Variants in KCNH8 observed in about 807,000 individuals in gnomAD.
KCNH8 encodes the protein potassium voltage-gated channel subfamily H member 8.
A neutral mutation model predicts 103.6 loss-of-function variants in KCNH8; 70 were observed. That is an observed-to-expected ratio of 0.68 (90% CI 0.56 to 0.82). The LOEUF (loss-of-function observed/expected upper bound fraction) is 0.82, where lower values mean the gene tolerates loss of function less well. KCNH8 is among the 40% of genes least tolerant of loss of function. The pLI, the probability that KCNH8 is intolerant of heterozygous loss-of-function variation, is 0.00. For missense variants in KCNH8, 1,217 were observed against 1,329.9 expected (o/e 0.92, Z 1.32); for synonymous variants, 498 against 489.4 (o/e 1.02, Z -0.23).
intron 11 of KCNH8, among the ~76,000 whole-genome samples, chr3:19,457,655 C>T (rs578215447): frequency 3.9e-4 from 59 of 152,044 alleles, no homozygotes; most frequent in Admixed American, 1.5e-3. Flanking sequence ...TGTTGAAAGG[C>T]AAGCCAAGGC....
At chr3:19,435,680 C>T (rs1226619975) in intron 7 of KCNH8, among the ~76,000 whole-genome samples, 1 of 152,162 alleles carries the variant, frequency 6.6e-6, no homozygotes, top group East Asian at 1.9e-4. Context: ...ACACACATAT[C>T]GTTTAGCAAA....
chr3:19,294,589 T>A (rs2064971741), intron 3 of KCNH8, among the ~76,000 whole-genome samples: 1 of 152,222 alleles, frequency 6.6e-6, no homozygotes, highest in African/African-American at 2.4e-5. Context: ...TAAACTGATT[T>A]AAAAATTTTA....
intron 10 of KCNH8, among the ~76,000 whole-genome samples, chr3:19,453,666 G>T (rs2067484247): frequency 6.6e-6 from 1 of 152,146 alleles, no homozygotes; most frequent in Non-Finnish European, 1.5e-5. Context: ...TCGTGAATGG[G>T]ATTCGTGTCT....
chr3:19,275,221 A>T (rs2064651077), intron 2 of KCNH8, among the ~76,000 whole-genome samples: 1 of 151,984 alleles, frequency 6.6e-6, no homozygotes, highest in Non-Finnish European at 1.5e-5. Context: ...TTATTCTGCC[A>T]GTGTTTTTTC....
intron 1 of KCNH8, among the ~76,000 whole-genome samples, chr3:19,202,593 A>G (rs886776513): frequency 2.6e-5 from 4 of 152,132 alleles, no homozygotes; most frequent in African/African-American, 9.7e-5. Context: ...GCAGTTAGGA[A>G]GAAATATGAG....
chr3:19,438,176 A>G lies in KCNH8; in HGVS notation c.1190A>G (p.Glu397Gly). The G allele has an allele frequency of 6.2e-7, 1 of 1,613,716 alleles. No individual in the cohort carries two copies. The highest frequency in any genetic ancestry group is 8.5e-7 in the Non-Finnish European group (1 of 1,179,896). Residue 397 changes from glutamate to glycine, a missense_variant, in exon 8 of 16, where the codon GAG becomes GGG. Around this residue, in one of 3 missense-constraint regions of KCNH8, gnomAD observed 415 missense variants for 577.4 expected, o/e 0.72. Transcript: ENST00000328405. ...TCCTCCTTTGCAGGTTGGCTTCATG[A>G]GTTGGGAAAGAGACTGGAATCTCCA... is the stretch of plus-strand genomic sequence containing the variant. ...LLKWEVGWLH[E>G]LGKRLESPYY...
chr3:19,186,677 A>G (rs1435820975), intron 1 of KCNH8, among the ~76,000 whole-genome samples: 1 of 152,214 alleles, frequency 6.6e-6, no homozygotes, highest in Non-Finnish European at 1.5e-5. Context: ...TGTTTAATTC[A>G]TTATTAAAAA....
intron 5 of KCNH8, among the ~76,000 whole-genome samples, chr3:19,374,648 T>G (rs888470269): frequency 2.6e-5 from 4 of 152,184 alleles, no homozygotes; most frequent in Non-Finnish European, 5.9e-5. Context: ...CCTGTCATTA[T>G]GATGTCAGCT....
At chr3:19,495,486 G>T (rs1215245996) in intron 11 of KCNH8, among the ~76,000 whole-genome samples, 1 of 152,084 alleles carries the variant, frequency 6.6e-6, no homozygotes. Flanking sequence ...GCTGGTTTTT[G>T]TTGGCTTTGT....
intron 11 of KCNH8, among the ~76,000 whole-genome samples, chr3:19,470,582 A>G (rs6800537): frequency 0.097 from 14,723 of 152,180 alleles, 1,543 homozygotes; most frequent in East Asian, 0.27. Flanking sequence ...ATTATTGTGA[A>G]TGGCAGAGTG....
At chr3:19,248,383 C>G (rs1394504556) in intron 1 of KCNH8, among the ~76,000 whole-genome samples, 1 of 152,140 alleles carries the variant, frequency 6.6e-6, no homozygotes, top group Non-Finnish European at 1.5e-5. Context: ...TGTCCTATTT[C>G]TGAAACACTG....
At position 19,534,626 on chromosome 3, in the gene KCNH8, C is replaced by T. The variant is rs75841558; in HGVS notation, c.*527C>T. ...AGCTGGTGGCCAGTGGTTAGCTATT[C>T]GCACGTTATTTGCCATGTAAATGAA... On this transcript the variant is annotated 3_prime_UTR_variant, in exon 16 of 16. Transcript: ENST00000328405. 0.075 allele frequency: 11,496 copies of T among 152,974 alleles called. 612 individuals carry two copies. The highest frequency in any genetic ancestry group is 0.12 in the Middle Eastern group (36 of 294). The allele number at this position is 152,974 out of a possible 1,614,324, so 9.5% of individuals were successfully genotyped here.
At chr3:19,285,796 A>G (rs2064823866) in intron 3 of KCNH8, among the ~76,000 whole-genome samples, 2 of 152,158 alleles carry the variant, frequency 1.3e-5, no homozygotes, top group Non-Finnish European at 2.9e-5. Flanking sequence ...TGCCCTCGGC[A>G]AAGTGCTCGT....
chr3:19,296,472 T>A (rs2064998071), intron 3 of KCNH8, among the ~76,000 whole-genome samples: 1 of 152,168 alleles, frequency 6.6e-6, no homozygotes. Context: ...AGCACACTGG[T>A]TTGTGCTCTA....
intron 5 of KCNH8, among the ~76,000 whole-genome samples, chr3:19,383,008 C>T (rs544065392): frequency 1.3e-5 from 2 of 152,152 alleles, no homozygotes; most frequent in Non-Finnish European, 2.9e-5. Context: ...AATTATGCCC[C>T]GGTCCTCAAA....
intron 7 of KCNH8, among the ~76,000 whole-genome samples, chr3:19,437,588 AAAG>A (rs1301864968): frequency 6.6e-6 from 1 of 152,198 alleles, no homozygotes; most frequent in Non-Finnish European, 1.5e-5. Context: ...GTGGGACTGC[AAAG>A]AAGGCTTCCT....
At chr3:19,373,596 G>A (rs1209296593) in intron 5 of KCNH8, among the ~76,000 whole-genome samples, 1 of 151,790 alleles carries the variant, frequency 6.6e-6, no homozygotes, top group Non-Finnish European at 1.5e-5. Flanking sequence ...GGTTTTTTGT[G>A]TCTCTATTTC....
intron 2 of KCNH8, among the ~76,000 whole-genome samples, chr3:19,270,669 T>G (rs529722235): frequency 6.6e-6 from 1 of 152,142 alleles, no homozygotes; most frequent in Non-Finnish European, 1.5e-5. Context: ...TCTGCCAAGT[T>G]GTGACTCAGG....
chr3:19,181,761 T>C (rs1049426795), intron 1 of KCNH8, among the ~76,000 whole-genome samples: 2 of 152,190 alleles, frequency 1.3e-5, no homozygotes, highest in African/African-American at 4.8e-5. Flanking sequence ...AGAAAGATTA[T>C]TAGCATACAT....
Sources: gnomAD v4.1 joint callset for allele counts (sites outside exome capture counted in the v4.1 genomes callset) on GRCh38, gnomAD v4.1.1 for gene constraint, gnomAD v4.1.1 regional missense constraint, MANE v1.5 for transcripts, NCBI Gene and HGNC (gene_info 2026-07-23, HGNC 2026-07-21) for gene names.